Variants in KCNJ3 observed in about 807,000 individuals in gnomAD.
The protein encoded by KCNJ3 is G protein-activated inward rectifier potassium channel 1.
KCNJ3 carries 4 observed loss-of-function variants against 39.2 expected under a neutral mutation model. That is an observed-to-expected ratio of 0.10 (90% CI 0.05 to 0.23). The LOEUF is 0.23. Among genes scored for constraint, KCNJ3 ranks in the 10% least tolerant of loss-of-function variants. The pLI is 1.00. For synonymous variants in KCNJ3, 230 were observed against 237.4 expected (o/e 0.97, Z 0.29); for missense variants, 276 against 634.9 (o/e 0.43, Z 6.08).
intron 2 of KCNJ3, among the ~76,000 whole-genome samples, chr2:154,783,406 A>C (rs1260158224): frequency 6.6e-6 from 1 of 152,204 alleles, no homozygotes; most frequent in Non-Finnish European, 1.5e-5. Context: ...GACAGAAACA[A>C]GGAGACATGG....
rs376392982 is a variant in KCNJ3, at chr2:154,846,750, T to C, written c.920-7977T>C. 3.8e-4 allele frequency among the ~76,000 whole-genome samples: 57 copies of C among 151,578 alleles called. No individual in the cohort carries two copies. In the East Asian group the frequency reaches 5.5e-3, roughly 15 times the overall value. On this transcript the variant is annotated intron_variant, in intron 2 of 2. Transcript: ENST00000295101. ...TATCTTCCTTTTTGAACATCTAACA[T>C]TGTGTTCTGTTGGTCATTGTTAAAA...
chr2:154,733,123 T>C (rs1038074637), intron 2 of KCNJ3, among the ~76,000 whole-genome samples: 10 of 152,190 alleles, frequency 6.6e-5, no homozygotes, highest in Admixed American at 5.2e-4. Flanking sequence ...AGAACCCATA[T>C]TGGGTGTTGA....
chr2:154,787,108 G>T (rs1686543840), intron 2 of KCNJ3, among the ~76,000 whole-genome samples: 1 of 152,062 alleles, frequency 6.6e-6, no homozygotes, highest in Admixed American at 6.6e-5. Context: ...TAGTTATAAA[G>T]TATATTGAAA....
intron 2 of KCNJ3, among the ~76,000 whole-genome samples, chr2:154,770,435 AT>A (rs5835542): frequency 2.8e-4 from 42 of 147,560 alleles, no homozygotes; most frequent in Middle Eastern, 7.0e-3. Context: ...GAGAAATGGG[AT>A]TTTTTTTTTT....
intron 2 of KCNJ3, among the ~76,000 whole-genome samples, chr2:154,758,734 G>A (rs957464056): frequency 1.3e-5 from 2 of 152,096 alleles, no homozygotes; most frequent in Non-Finnish European, 2.9e-5. Flanking sequence ...ATCAGGTGAC[G>A]TGTGTTAAGG....
intron 2 of KCNJ3, among the ~76,000 whole-genome samples, chr2:154,766,879 C>G (rs926103559): frequency 2.6e-5 from 4 of 151,966 alleles, no homozygotes; most frequent in African/African-American, 9.7e-5. Context: ...TAGGGGCCAT[C>G]TATCTGTTAA....
chr2:154,834,918 C>A (rs950592238), intron 2 of KCNJ3, among the ~76,000 whole-genome samples: 1 of 147,074 alleles, frequency 6.8e-6, no homozygotes, highest in African/African-American at 2.4e-5. Flanking sequence ...TTTAAAATAC[C>A]CTTAATTATA....
intron 2 of KCNJ3, among the ~76,000 whole-genome samples, chr2:154,750,323 T>C (rs1685817394): frequency 6.6e-6 from 1 of 151,960 alleles, no homozygotes; most frequent in Non-Finnish European, 1.5e-5. Context: ...TAATTTGTAA[T>C]AGTATTATGC....
chr2:154,756,147 C>T (rs1369753095), intron 2 of KCNJ3, among the ~76,000 whole-genome samples: 6 of 152,092 alleles, frequency 3.9e-5, no homozygotes, highest in South Asian at 2.1e-4. Context: ...TTGATCCATC[C>T]GTCTTACAGT....
chr2:154,816,817 A>G (rs188387612), intron 2 of KCNJ3, among the ~76,000 whole-genome samples: 1 of 152,290 alleles, frequency 6.6e-6, no homozygotes, highest in East Asian at 1.9e-4. Context: ...CACACATTCT[A>G]AAATATGGAT....
intron 2 of KCNJ3, among the ~76,000 whole-genome samples, chr2:154,761,166 T>A (rs534999922): frequency 6.6e-6 from 1 of 151,774 alleles, no homozygotes. Context: ...ATCAGTATTA[T>A]ATGAGGTATG....
At chr2:154,757,108 G>T (rs894096697) in intron 2 of KCNJ3, among the ~76,000 whole-genome samples, 3 of 152,026 alleles carry the variant, frequency 2.0e-5, no homozygotes, top group African/African-American at 7.2e-5. Context: ...CAGCAACATG[G>T]ATTTTTCAAA....
At chr2:154,726,752 GTA>G (rs752237431) in intron 2 of KCNJ3, among the ~76,000 whole-genome samples, 3 of 126,336 alleles carry the variant, frequency 2.4e-5, no homozygotes, top group Non-Finnish European at 5.2e-5. Context: ...AAGAAAATGT[GTA>G]TATATATATA....
intron 2 of KCNJ3, among the ~76,000 whole-genome samples, chr2:154,789,808 T>C (rs1305436133): frequency 6.6e-6 from 1 of 152,038 alleles, no homozygotes; most frequent in Admixed American, 6.6e-5. Context: ...TATTAAAACA[T>C]AAATAGGTCT....
Position 154,855,774 on chromosome 2 carries a change from TAC to T in KCNJ3, c.*465_*466del. ...GTATACACACATATACATATATATA[TAC>T]ACATACATACACATACATACATACA... On this transcript the variant is annotated 3_prime_UTR_variant, in exon 3 of 3. Transcript: ENST00000295101. The T allele has an allele frequency of 6.6e-6, 1 of 152,498 alleles. No individual in the cohort carries two copies. Among genetic ancestry groups the T allele is most frequent in the South Asian group, 2.1e-4 (1 of 4,818 alleles). 9.4% of individuals were successfully genotyped at this position (152,498 alleles called of 1,614,324 possible). A position where few individuals can be genotyped will look rare whatever the true frequency, so the allele number is the denominator to read the frequency against.
intron 2 of KCNJ3, among the ~76,000 whole-genome samples, chr2:154,840,295 C>G (rs1296763890): frequency 6.6e-6 from 1 of 152,074 alleles, no homozygotes; most frequent in African/African-American, 2.4e-5. Flanking sequence ...TTCCATTGGT[C>G]TATATCTCTG....
In KCNJ3 at chr2:154,793,153, G is replaced by A. The variant is rs554958884; in HGVS notation, c.920-61574G>A. 9.2e-5 allele frequency among the ~76,000 whole-genome samples: 14 copies of A among 152,124 alleles called. No homozygotes were observed. In the South Asian group the frequency reaches 1.2e-3, roughly 14 times the overall value. On this transcript the variant is annotated intron_variant, in intron 2 of 2. Transcript: ENST00000295101. ...AAGTGAAAGACTTCAAGATTTTGTG[G>A]AAATAAGTGGGTTCATGGAAAGTGC...
intron 2 of KCNJ3, among the ~76,000 whole-genome samples, chr2:154,825,176 AC>A (rs1687248027): frequency 6.6e-6 from 1 of 151,848 alleles, no homozygotes; most frequent in Non-Finnish European, 1.5e-5. Context: ...CTCCCAACTT[AC>A]CCTTTTCCTG....
At chr2:154,708,167 T>C (rs150209254) in intron 1 of KCNJ3, among the ~76,000 whole-genome samples, 90 of 152,272 alleles carry the variant, frequency 5.9e-4, no homozygotes, top group African/African-American at 2.1e-3. Flanking sequence ...AGTCTCCCTT[T>C]CATTAGGATT....
Sources: gnomAD v4.1 joint callset for allele counts (sites outside exome capture counted in the v4.1 genomes callset) on GRCh38, gnomAD v4.1.1 for gene constraint, MANE v1.5 for transcripts, NCBI Gene and HGNC (gene_info 2026-07-23, HGNC 2026-07-21) for gene names.